The following DHDH variants were observed in gnomAD, a reference collection of about 807,000 sequenced individuals.
DHDH encodes the protein dihydrodiol dehydrogenase.
A neutral mutation model predicts 33.2 loss-of-function variants in DHDH; 29 were observed. The observed-to-expected ratio is 0.87, with a 90% CI of 0.65 to 1.19. DHDH has a LOEUF of 1.19. Among genes scored for constraint, DHDH ranks in the 50% most tolerant of loss-of-function variants. DHDH has a pLI of 0.00. For missense variants in DHDH, 431 were observed against 455.0 expected (o/e 0.95, Z 0.48); for synonymous variants, 201 against 187.9 (o/e 1.07, Z -0.57).
chr19:48,933,921 G>A lies in DHDH; in HGVS notation c.90+110G>A, dbSNP rs552469543. The A allele has an allele frequency of 3.2e-6, 3 of 949,892 alleles. No individual in the cohort carries two copies. The Admixed American group carries it at 6.5e-5, about 21-fold the overall frequency. The allele number at this position is 949,892 out of a possible 1,614,324, so 58.8% of individuals were successfully genotyped here. A position where few individuals can be genotyped will look rare whatever the true frequency, so the allele number is the denominator to read the frequency against. ...GACTAGTGAGTGGGTCGTCATTGCA[G>A]TGAAACGTCTGTTTCCTTGCTACCT... On this transcript the variant is annotated intron_variant, in intron 1 of 6. Coordinates refer to ENST00000221403, the MANE Select transcript of DHDH (RefSeq NM_014475.4).
intron 5 of DHDH, among the ~76,000 whole-genome samples, chr19:48,942,837 C>G (rs989166089): frequency 2.7e-5 from 4 of 150,612 alleles, no homozygotes; most frequent in Non-Finnish European, 5.9e-5. Flanking sequence ...GGCAGATCAC[C>G]TGAGGTCAGG....
In DHDH at chr19:48,944,816, C is replaced by A. The variant is rs2037918685; in HGVS notation, c.896-8C>A. The A allele has an allele frequency of 2.5e-6, 4 of 1,611,248 alleles. No individual in the cohort carries two copies. In the East Asian group the frequency reaches 8.9e-5, roughly 36 times the overall value. ...TAGGAGGGGTCCCTAACTACACTCT[C>A]CCCACAGGTATGAAGGAAAGTCCTG... On this transcript the variant is annotated splice_polypyrimidine_tract_variant and splice_region_variant and intron_variant, in intron 6 of 6. Transcript: ENST00000221403.
rs2122285989 is a variant in DHDH at position 48,944,379 on chromosome 19, C to T, written c.767C>T (p.Pro256Leu). The T allele has an allele frequency of 1.9e-6, 3 of 1,614,064 alleles. No individual in the cohort carries two copies. The highest frequency in any genetic ancestry group is 1.1e-5 in the South Asian group (1 of 91,066). The change falls in exon 6 of 7, where the codon CCG becomes CTG. Residue 256 changes from proline to leucine, a missense_variant. Transcript: ENST00000221403. ...CAGCTCCTCAACCCCTGCTGGTGCC[C>T]GACCGAGCTGGTGGTGAAGGGGGAG... ...MVQLLNPCWC[P>L]TELVVKGEHK...
Position 48,935,012 on chromosome 19 carries a change from G to C in DHDH, c.103G>C (p.Ala35Pro), listed in dbSNP as rs2037750868. ...TGTGCCCCTCCAGGTGGTGGCGGTG[G>C]CGGCCCGCGATCTGAGCCGTGCGAA... is the stretch of plus-strand genomic sequence containing the variant. ...PRSEHQVVAV[A>P]ARDLSRAKEF... Residue 35 changes from alanine to proline, a missense_variant, in exon 2 of 7, where the codon GCG (alanine) becomes CCG (proline). Coordinates refer to ENST00000221403, the MANE Select transcript of DHDH (RefSeq NM_014475.4). 1 of 1,564,654 alleles carries C rather than the reference G, an allele frequency of 6.4e-7. No individual in the cohort carries two copies. Among genetic ancestry groups the C allele is most frequent in the African/African-American group, 1.4e-5 (1 of 73,570 alleles).
At chr19:48,938,510 A>T (rs1364555732) in intron 3 of DHDH, among the ~76,000 whole-genome samples, 1 of 152,098 alleles carries the variant, frequency 6.6e-6, no homozygotes, top group Non-Finnish European at 1.5e-5. Context: ...TGCCTCCTTT[A>T]AGGAGTTTCA....
intron 5 of DHDH, among the ~76,000 whole-genome samples, chr19:48,943,204 G>T (rs556564661): frequency 1.3e-5 from 2 of 152,002 alleles, no homozygotes; most frequent in East Asian, 3.9e-4. Flanking sequence ...TGTGCCACTG[G>T]ACTCCAGCCT....
intron 3 of DHDH, among the ~76,000 whole-genome samples, chr19:48,938,656 T>C (rs1369608181): frequency 6.6e-6 from 1 of 151,374 alleles, no homozygotes; most frequent in Non-Finnish European, 1.5e-5. Context: ...TTTTTTTTTT[T>C]TTTTTTGAGT....
At chr19:48,944,647 G>C (rs1420170721) in intron 6 of DHDH, 140 bp downstream of exon 6, 1 of 1,349,638 alleles carries the variant, frequency 7.4e-7, no homozygotes, top group Non-Finnish European at 1.0e-6. Context: ...CTGCACTCCA[G>C]CCTGGGCAAC....
At chr19:48,940,689 A>G (rs181193147) in intron 4 of DHDH, among the ~76,000 whole-genome samples, 16 of 152,256 alleles carry the variant, frequency 1.1e-4, no homozygotes, top group Admixed American at 2.0e-4. Context: ...CCCTGTCTCT[A>G]CGAAAAGTGC....
chr19:48,940,286 C>T (rs570329247), intron 4 of DHDH, among the ~76,000 whole-genome samples: 8 of 150,896 alleles, frequency 5.3e-5, no homozygotes, highest in South Asian at 2.1e-4. Context: ...ACCCAGGGGG[C>T]GGAGGTTGCA....
chr19:48,939,508 A>C lies in DHDH; in HGVS notation c.426A>C (p.Gly142=), dbSNP rs1056917899. The change falls in exon 4 of 7, where the codon GGA becomes GGC. Residue 142 remains glycine, a synonymous_variant. Transcript: ENST00000221403. ...SEALRSVLAQ[G]TLGDLRVARA... ...CTCTGAGGTCTGTTTTGGCCCAGGGAACTCTAGGAGACCTCCGGGTGGCTC... is the reference window on the plus strand; with the variant it reads ...CTCTGAGGTCTGTTTTGGCCCAGGGCACTCTAGGAGACCTCCGGGTGGCTC... The C allele has an allele frequency of 6.2e-7, 1 of 1,613,814 alleles. No homozygotes were observed. The highest frequency in any genetic ancestry group is 1.1e-5 in the South Asian group (1 of 91,080).
chr19:48,933,527 GGCGGAGCTAAACGGTGCATTCGCCCA>G (rs2037730425), upstream of DHDH, among the ~76,000 whole-genome samples: 1 of 152,226 alleles, frequency 6.6e-6, no homozygotes, highest in Non-Finnish European at 1.5e-5. Flanking sequence ...CCCTCTGTAA[GGCGGAGCTAAACGGTGCATTCGCCCA>G]GCGGGGAAGC....
At chr19:48,937,188 G>A (rs1410012759) in intron 3 of DHDH, among the ~76,000 whole-genome samples, 2 of 152,122 alleles carry the variant, frequency 1.3e-5, no homozygotes, top group East Asian at 1.9e-4. Context: ...GATATCTTTG[G>A]GGGCACCAGT....
intron 5 of DHDH, among the ~76,000 whole-genome samples, chr19:48,943,788 T>G (rs970620303): frequency 3.4e-5 from 5 of 149,122 alleles, no homozygotes; most frequent in African/African-American, 5.0e-5. Context: ...ATCGAGCCAT[T>G]GCACTCCAGG....
At chr19:48,939,381 C>A (rs1362887676) in intron 3 of DHDH, 68 bp from the exon 4 acceptor site, 4 of 1,531,326 alleles carry the variant, frequency 2.6e-6, no homozygotes, top group Middle Eastern at 2.3e-4. Context: ...CAGTGGGTAT[C>A]CCCCTATGAT....
At chr19:48,939,028 G>C (rs1431857248) in intron 3 of DHDH, among the ~76,000 whole-genome samples, 1 of 152,138 alleles carries the variant, frequency 6.6e-6, no homozygotes, top group African/African-American at 2.4e-5. Context: ...GCTTTCAGAG[G>C]TACTAGGGAG....
upstream of DHDH, among the ~76,000 whole-genome samples, chr19:48,933,500 G>A (rs539887036): frequency 2.6e-5 from 4 of 152,268 alleles, no homozygotes; most frequent in South Asian, 6.2e-4. Flanking sequence ...CTGTAGAAGC[G>A]ACGTCAAGGT....
At chr19:48,939,385 C>A in intron 3 of DHDH, 64 bp from the exon 4 acceptor site, 1 of 1,542,838 alleles carries the variant, frequency 6.5e-7, no homozygotes, top group South Asian at 1.2e-5. Flanking sequence ...GGGTATCCCC[C>A]TATGATTGGG....
In DHDH at chr19:48,942,433, C is replaced by T. The variant is rs751478154; in HGVS notation, c.620-7C>T. 6.3e-7 allele frequency: 1 copy of T among 1,598,620 alleles called. No homozygotes were observed. The highest frequency in any genetic ancestry group is 2.2e-5 in the East Asian group (1 of 44,534). On this transcript the variant is annotated splice_region_variant and splice_polypyrimidine_tract_variant and intron_variant, in intron 4 of 6. Transcript: ENST00000221403. ...AGACCCTGCCCTGACCCAGGACTTC[C>T]CTCCAGGTGTGGATGACACTGTCAC...
Sources: gnomAD v4.1 joint callset for allele counts (sites outside exome capture counted in the v4.1 genomes callset) on GRCh38, gnomAD v4.1.1 for gene constraint, MANE v1.5 for transcripts, NCBI Gene and HGNC (gene_info 2026-07-23, HGNC 2026-07-21) for gene names.